The following CSGALNACT2 variants were observed in gnomAD, a reference collection of about 807,000 sequenced individuals.
CSGALNACT2 encodes the protein beta 4 GalNAcT-2.
A neutral mutation model predicts 55.3 loss-of-function variants in CSGALNACT2; 35 were observed. That is an observed-to-expected ratio of 0.63 (90% CI 0.48 to 0.84). CSGALNACT2 has a LOEUF of 0.84. Ranked by LOEUF, CSGALNACT2 falls within the 40% of genes least tolerant of loss-of-function variation. The pLI, the probability that CSGALNACT2 is intolerant of heterozygous loss-of-function variation, is 0.00. For missense variants in CSGALNACT2, 544 were observed against 657.5 expected (o/e 0.83, Z 1.89); for synonymous variants, 196 against 224.9 (o/e 0.87, Z 1.15).
At chr10:43,164,591 A>C (rs1213567362) in intron 5 of CSGALNACT2, among the ~76,000 whole-genome samples, 1 of 152,212 alleles carries the variant, frequency 6.6e-6, no homozygotes. Flanking sequence ...GCTCACGCCT[A>C]TAATCTCAGT....
chr10:43,153,309 T>G (rs1452357977), intron 1 of CSGALNACT2, among the ~76,000 whole-genome samples: 1 of 111,552 alleles, frequency 9.0e-6, no homozygotes, highest in Non-Finnish European at 1.7e-5. Flanking sequence ...CACTGCAGCC[T>G]GGGCGACAGA....
intron 1 of CSGALNACT2, among the ~76,000 whole-genome samples, chr10:43,142,470 G>A (rs1019188105): frequency 4.6e-5 from 7 of 152,162 alleles, no homozygotes; most frequent in Non-Finnish European, 1.0e-4. Flanking sequence ...CCAAAGTGCT[G>A]GGATTACACG....
intron 1 of CSGALNACT2, among the ~76,000 whole-genome samples, chr10:43,141,201 A>G (rs1838612779): frequency 6.6e-6 from 1 of 151,826 alleles, no homozygotes; most frequent in Non-Finnish European, 1.5e-5. Flanking sequence ...CAACATAATG[A>G]GACCCTGTCT....
At position 43,155,492 on chromosome 10, in the gene CSGALNACT2, C is replaced by G. The variant is rs915731392; in HGVS notation, c.343C>G (p.Gln115Glu). 5 of 1,614,090 alleles carry G rather than the reference C, an allele frequency of 3.1e-6. No homozygotes were observed. The highest frequency in any genetic ancestry group is 2.7e-5 in the African/African-American group (2 of 74,934). ...CATAGGCTATCAGAGCAACAAAGAG[C>G]AAGCACCTAGTGATCTTTTAGAGTT... Reference protein sequence around the residue: ...NGIGYQSNKEQAPSDLLEFLH... With the variant: ...NGIGYQSNKEEAPSDLLEFLH... Residue 115 changes from glutamine to glutamate, a missense_variant, in exon 2 of 8, where the codon CAA (glutamine) becomes GAA (glutamate). Coordinates refer to ENST00000374466, the MANE Select transcript of CSGALNACT2 (RefSeq NM_018590.5).
intron 1 of CSGALNACT2, among the ~76,000 whole-genome samples, chr10:43,146,983 T>A (rs1838765137): frequency 2.8e-4 from 1 of 3,564 alleles, no homozygotes; most frequent in African/African-American, 9.7e-4. Flanking sequence ...TTTTTTTTTT[T>A]TTTTTTGTGG....
chr10:43,153,970 C>T (rs1283774055), intron 1 of CSGALNACT2, among the ~76,000 whole-genome samples: 1 of 152,170 alleles, frequency 6.6e-6, no homozygotes, highest in African/African-American at 2.4e-5. Flanking sequence ...ATTATGTGAT[C>T]TAATGTGCAA....
chr10:43,167,807 CTT>C (rs1839298340), intron 6 of CSGALNACT2, among the ~76,000 whole-genome samples: 2 of 151,858 alleles, frequency 1.3e-5, no homozygotes, highest in Non-Finnish European at 2.9e-5. Context: ...TACCAAATTG[CTT>C]TTAACATAAT....
intron 1 of CSGALNACT2, among the ~76,000 whole-genome samples, chr10:43,142,706 G>A (rs1245516956): frequency 6.6e-6 from 1 of 152,170 alleles, no homozygotes; most frequent in African/African-American, 2.4e-5. Context: ...CTGATTCCTG[G>A]TTTAGAGGTC....
intron 6 of CSGALNACT2, among the ~76,000 whole-genome samples, chr10:43,168,000 T>C (rs562098977): frequency 6.6e-6 from 1 of 152,000 alleles, no homozygotes; most frequent in South Asian, 2.1e-4. Context: ...AGTAGACAGA[T>C]TTCAGGTAAA....
intron 7 of CSGALNACT2, among the ~76,000 whole-genome samples, chr10:43,176,297 G>A (rs1802012755): frequency 6.6e-6 from 1 of 152,072 alleles, no homozygotes; most frequent in Non-Finnish European, 1.5e-5. Flanking sequence ...TGTTTAACTT[G>A]TTACCCATAG....
chr10:43,174,129 A>G (rs1052217973), intron 6 of CSGALNACT2, among the ~76,000 whole-genome samples: 1 of 152,074 alleles, frequency 6.6e-6, no homozygotes, highest in Admixed American at 6.6e-5. Flanking sequence ...GGAATATAGC[A>G]GTGAACAGAA....
chr10:43,157,014 A>AG (rs1839025533), intron 2 of CSGALNACT2, among the ~76,000 whole-genome samples: 1 of 152,228 alleles, frequency 6.6e-6, no homozygotes, highest in South Asian at 2.1e-4. Flanking sequence ...GCCATCAGGG[A>AG]GGGCATTATG....
At chr10:43,162,574 A>G (rs1006081933) in intron 4 of CSGALNACT2, 2 of 985,318 alleles carry the variant, frequency 2.0e-6, no homozygotes, top group African/African-American at 1.7e-5. Flanking sequence ...CATTCAGAGC[A>G]CTTGGAGTCC....
At chr10:43,183,032 A>G (rs1469709512) in intron 7 of CSGALNACT2, among the ~76,000 whole-genome samples, 6 of 152,166 alleles carry the variant, frequency 3.9e-5, no homozygotes, top group Non-Finnish European at 7.3e-5. Context: ...CCATTTTGAT[A>G]CTGTCAACAA....
intron 1 of CSGALNACT2, among the ~76,000 whole-genome samples, chr10:43,142,080 G>T (rs1214633862): frequency 6.6e-6 from 1 of 152,158 alleles, no homozygotes; most frequent in Non-Finnish European, 1.5e-5. Context: ...TTTTTAAAGT[G>T]TAAAAATTTT....
At chr10:43,168,512 G>A (rs1172894530) in intron 6 of CSGALNACT2, among the ~76,000 whole-genome samples, 1 of 152,100 alleles carries the variant, frequency 6.6e-6, no homozygotes, top group South Asian at 2.1e-4. Flanking sequence ...TTAAAAAACA[G>A]TTATCAAAAA....
chr10:43,155,225 GTAT>G lies in CSGALNACT2; in HGVS notation c.81_83del (p.Leu27del). ...GGGCCTTGCTTTGCTCTGCAGTTTGGTATTATTTATGTACCTCCTGGAATGTGC... is the reference window on the plus strand; with the variant it reads ...GGGCCTTGCTTTGCTCTGCAGTTTGGTATTTATGTACCTCCTGGAATGTGC... On this transcript the variant is annotated inframe_deletion, in exon 2 of 8. Coordinates refer to ENST00000374466, the MANE Select transcript of CSGALNACT2 (RefSeq NM_018590.5). The G allele has an allele frequency of 6.2e-7, 1 of 1,614,110 alleles. No individual in the cohort carries two copies. The highest frequency in any genetic ancestry group is 8.5e-7 in the Non-Finnish European group (1 of 1,180,022).
At chr10:43,160,180 T>C (rs1210662825) in intron 3 of CSGALNACT2, among the ~76,000 whole-genome samples, 1 of 152,248 alleles carries the variant, frequency 6.6e-6, no homozygotes, top group Non-Finnish European at 1.5e-5. Context: ...TATTTATTTA[T>C]GTGGTTCTGA....
intron 3 of CSGALNACT2, among the ~76,000 whole-genome samples, chr10:43,159,726 A>T (rs1254713785): frequency 6.6e-6 from 1 of 152,198 alleles, no homozygotes; most frequent in African/African-American, 2.4e-5. Context: ...TGTATATTTT[A>T]AAATGCTGAA....
Sources: gnomAD v4.1 joint callset for allele counts (sites outside exome capture counted in the v4.1 genomes callset) on GRCh38, gnomAD v4.1.1 for gene constraint, MANE v1.5 for transcripts, NCBI Gene and HGNC (gene_info 2026-07-23, HGNC 2026-07-21) for gene names.